The following DRC4 variants were observed in gnomAD, a reference collection of about 807,000 sequenced individuals.
DRC4 encodes dynein regulatory complex subunit 4.
chr16:90,026,710 G>T, the DRC4 span, among the ~76,000 whole-genome samples: 1 of 151,952 alleles, frequency 6.6e-6, no homozygotes, highest in Non-Finnish European at 1.5e-5. Flanking sequence ...TGGAGACGGG[G>T]TCTCGTTCTA....
the DRC4 span, chr16:90,031,530 T>C: frequency 6.5e-7 from 1 of 1,534,016 alleles, no homozygotes; most frequent in East Asian, 2.5e-5. Flanking sequence ...GCTAACCTGG[T>C]CACCACAGAG....
At chr16:90,026,304 G>T in the DRC4 span, among the ~76,000 whole-genome samples, 1 of 152,072 alleles carries the variant, frequency 6.6e-6, no homozygotes, top group African/African-American at 2.4e-5. Flanking sequence ...AGGGGGTGGG[G>T]TTAGAAGGTT....
chr16:90,022,672 G>GT, the DRC4 span: 9 of 1,419,996 alleles, frequency 6.3e-6, no homozygotes, highest in Admixed American at 1.3e-4. Flanking sequence ...TGGCTTCCGG[G>GT]GGCGGGCGCC....
the DRC4 span, among the ~76,000 whole-genome samples, chr16:90,025,901 A>C: frequency 6.6e-6 from 1 of 151,416 alleles, no homozygotes; most frequent in African/African-American, 2.4e-5. Flanking sequence ...AAATGGATTT[A>C]GGTTTTAATG....
the DRC4 span, among the ~76,000 whole-genome samples, chr16:90,022,965 G>T: frequency 2.6e-5 from 4 of 152,182 alleles, no homozygotes; most frequent in Non-Finnish European, 5.9e-5. Context: ...GCTCACAGGG[G>T]TGGTCATAGA....
the DRC4 span, chr16:90,044,319 C>T: frequency 1.7e-5 from 7 of 421,742 alleles, no homozygotes; most frequent in Middle Eastern, 3.4e-4. Flanking sequence ...GGTGTGTCCT[C>T]GTAGAGTCTA....
chr16:90,028,956 T>G, the DRC4 span: 3 of 1,303,634 alleles, frequency 2.3e-6, no homozygotes, highest in African/African-American at 4.6e-5. Context: ...CATTGGCAGT[T>G]TAAGCCAGTG....
At chr16:90,043,496 T>C in the DRC4 span, 1 of 817,714 alleles carries the variant, frequency 1.2e-6, no homozygotes, top group Middle Eastern at 3.7e-4. Context: ...TTCCTGGCTC[T>C]GTGGAGGAGA....
chr16:90,028,797 ATTG>A, the DRC4 span: 1 of 630,772 alleles, frequency 1.6e-6, no homozygotes, highest in African/African-American at 1.9e-5. Context: ...ACTCTGTGTT[ATTG>A]TTAATAAATC....
chr16:90,043,573 C>A, the DRC4 span: 1 of 599,422 alleles, frequency 1.7e-6, no homozygotes, highest in Non-Finnish European at 3.1e-6. Flanking sequence ...CACGTCCAGC[C>A]TGTGTCCAGG....
the DRC4 span, among the ~76,000 whole-genome samples, chr16:90,030,915 G>A: frequency 5.9e-5 from 9 of 152,240 alleles, no homozygotes; most frequent in African/African-American, 1.9e-4. Context: ...ACCGCGCCTC[G>A]CTTATTTCCC....
chr16:90,022,669 C>CG, the DRC4 span: 1 of 1,413,628 alleles, frequency 7.1e-7, no homozygotes, highest in Non-Finnish European at 9.3e-7. Flanking sequence ...GCGTGGCTTC[C>CG]GGGGGCGGGC....
chr16:90,039,877 C>T, the DRC4 span: 1 of 259,264 alleles, frequency 3.9e-6, no homozygotes, highest in Non-Finnish European at 7.8e-6. Flanking sequence ...CTGGGGCTGG[C>T]CAAGGGAGCA....
chr16:90,040,166 C>T, the DRC4 span: 1 of 822,290 alleles, frequency 1.2e-6, no homozygotes, highest in African/African-American at 1.7e-5. Flanking sequence ...CACACTGACC[C>T]CGGTGCTGTG....
the DRC4 span, among the ~76,000 whole-genome samples, chr16:90,041,528 G>A: frequency 8.5e-5 from 13 of 152,314 alleles, no homozygotes; most frequent in Non-Finnish European, 1.3e-4. Flanking sequence ...TGGGATAGCC[G>A]GGCGCGGTGG....
chr16:90,036,515 G>A, the DRC4 span: 1 of 1,612,990 alleles, frequency 6.2e-7, no homozygotes, highest in Non-Finnish European at 8.5e-7. Flanking sequence ...CCACGAGGAG[G>A]CCTTCACCGA....
At chr16:90,043,616 G>T in the DRC4 span, 1 of 607,866 alleles carries the variant, frequency 1.6e-6, no homozygotes. Context: ...GACCACAGTC[G>T]GCGGCACCTT....
chr16:90,036,709 G>A, the DRC4 span: 363,242 of 860,844 alleles, frequency 0.42, 79,834 homozygotes, highest in Non-Finnish European at 0.47. Context: ...TTATAAGATT[G>A]TTTGACAATG....
the DRC4 span, chr16:90,036,832 T>C: frequency 4.7e-6 from 3 of 640,326 alleles, no homozygotes; most frequent in Non-Finnish European, 8.5e-6. Flanking sequence ...AGTAATGAAG[T>C]GTGTTCTGGT....
Sources: gnomAD v4.1 joint callset for allele counts (sites outside exome capture counted in the v4.1 genomes callset) on GRCh38, gnomAD v4.1.1 for gene constraint, MANE v1.5 for transcripts, NCBI Gene and HGNC (gene_info 2026-07-23, HGNC 2026-07-21) for gene names.